Variants in ARHGAP26 observed in about 807,000 individuals in gnomAD.
The protein encoded by ARHGAP26 is Rho GTPase activating protein 26.
Under a neutral mutation model 104.8 loss-of-function variants are expected in ARHGAP26, and 38 were observed. That is an observed-to-expected ratio of 0.36 (90% CI 0.28 to 0.48). ARHGAP26 has a LOEUF of 0.48. Among genes scored for constraint, ARHGAP26 ranks in the 20% least tolerant of loss-of-function variants. The pLI is 0.99. For synonymous variants in ARHGAP26, 341 were observed against 340.0 expected (o/e 1.00, Z -0.03); for missense variants, 704 against 947.9 (o/e 0.74, Z 3.38).
chr5:143,042,453 A>G (rs1265779481), intron 14 of ARHGAP26, among the ~76,000 whole-genome samples: 4 of 152,232 alleles, frequency 2.6e-5, no homozygotes, highest in African/African-American at 9.6e-5. Flanking sequence ...GGCTGATATA[A>G]ATACAAAGCA....
At chr5:143,066,875 T>C (rs1423877298) in intron 17 of ARHGAP26, among the ~76,000 whole-genome samples, 1 of 152,188 alleles carries the variant, frequency 6.6e-6, no homozygotes, top group Non-Finnish European at 1.5e-5. Flanking sequence ...GCTGTTCATA[T>C]CTGGTTTCAG....
chr5:142,878,966 G>C (rs139886587), intron 3 of ARHGAP26, among the ~76,000 whole-genome samples: 57 of 152,216 alleles, frequency 3.7e-4, no homozygotes, highest in Non-Finnish European at 6.2e-4. Context: ...GTGTTTCTTT[G>C]TTTATTTGTT....
At chr5:143,101,427 G>A (rs1437414436) in intron 17 of ARHGAP26, among the ~76,000 whole-genome samples, 2 of 152,000 alleles carry the variant, frequency 1.3e-5, no homozygotes, top group Non-Finnish European at 2.9e-5. Context: ...TGTCTTTCCT[G>A]GGCCTTCATA....
At chr5:143,118,509 G>C (rs1228658195) in intron 17 of ARHGAP26, among the ~76,000 whole-genome samples, 1 of 152,162 alleles carries the variant, frequency 6.6e-6, no homozygotes, top group Non-Finnish European at 1.5e-5. Flanking sequence ...AGTGGCTCAC[G>C]CCTATAATTC....
At chr5:143,075,741 C>G (rs1282306470) in intron 17 of ARHGAP26, among the ~76,000 whole-genome samples, 1 of 152,202 alleles carries the variant, frequency 6.6e-6, no homozygotes. Context: ...CTCTGTCACC[C>G]AGGCTGGAGT....
intron 1 of ARHGAP26, among the ~76,000 whole-genome samples, chr5:142,867,429 A>G (rs755724854): frequency 6.6e-6 from 1 of 152,118 alleles, no homozygotes; most frequent in African/African-American, 2.4e-5. Context: ...ACATCGAACT[A>G]GGTTTAAACT....
intron 1 of ARHGAP26, among the ~76,000 whole-genome samples, chr5:142,815,989 A>G (rs1299401231): frequency 6.6e-6 from 1 of 151,058 alleles, no homozygotes; most frequent in Admixed American, 6.6e-5. Context: ...TGTAGAGATG[A>G]GGTCCCGATA....
intron 11 of ARHGAP26, chr5:142,946,439 T>C (rs1036079564): frequency 1.3e-5 from 2 of 152,210 alleles, no homozygotes; most frequent in African/African-American, 4.8e-5. Flanking sequence ...TTGGATTAGC[T>C]TCAATTTTTT....
chr5:143,128,086 G>A (rs3776299), intron 18 of ARHGAP26, among the ~76,000 whole-genome samples: 54,976 of 152,080 alleles, frequency 0.36, 11,251 homozygotes, highest in Non-Finnish European at 0.46. Flanking sequence ...CTTGGGTGTT[G>A]AGCTAGAATG....
Position 142,875,167 on chromosome 5 carries a change from G to C in ARHGAP26, c.308G>C (p.Arg103Pro), listed in dbSNP as rs761574373. 6.2e-7 allele frequency: 1 copy of C among 1,614,084 alleles called. No homozygotes were observed. The highest frequency in any genetic ancestry group is 2.2e-5 in the East Asian group (1 of 44,882). ...VLRNLEDERI[R>P]MIENASEVLI... The stretch of plus-strand genomic sequence containing the variant: ...AGGAATCTTGAAGATGAACGGATAC[G>C]GATGGTGAGTAGGGCTGGGCTACTC... Residue 103 changes from arginine to proline, a missense_variant, in exon 3 of 23, where the codon CGG (arginine) becomes CCG (proline). Coordinates refer to ENST00000645722, the MANE Select transcript of ARHGAP26 (RefSeq NM_001135608.3).
chr5:142,848,451 A>C (rs1020458531), intron 1 of ARHGAP26, among the ~76,000 whole-genome samples: 1 of 151,932 alleles, frequency 6.6e-6, no homozygotes, highest in African/African-American at 2.4e-5. Context: ...TTCCTCCTTT[A>C]CTCCCTTCCA....
In ARHGAP26 at chr5:143,223,288, A is replaced by G. The variant is rs1811414988; in HGVS notation, c.*842A>G. 4.3e-6 allele frequency: 1 copy of G among 233,134 alleles called. No homozygotes were observed. Among genetic ancestry groups the G allele is most frequent in the Non-Finnish European group, 8.5e-6 (1 of 117,702 alleles). The allele number at this position is 233,134 out of a possible 1,614,324, so 14.4% of individuals were successfully genotyped here. On this transcript the variant is annotated 3_prime_UTR_variant, in exon 23 of 23. Coordinates refer to ENST00000645722, the MANE Select transcript of ARHGAP26 (RefSeq NM_001135608.3). ...GTTTTCTAACAACTTGAAGCACAGGATCAAGGAATTAGGGTGGTCTACTTG... is the reference window on the plus strand; with the variant it reads ...GTTTTCTAACAACTTGAAGCACAGGGTCAAGGAATTAGGGTGGTCTACTTG...
chr5:142,906,168 C>T (rs1256587954), intron 8 of ARHGAP26, among the ~76,000 whole-genome samples: 1 of 152,186 alleles, frequency 6.6e-6, no homozygotes, highest in African/African-American at 2.4e-5. Context: ...CACATCTGGA[C>T]ACATGTGGTG....
At chr5:142,939,421 G>T (rs1171801835) in intron 11 of ARHGAP26, among the ~76,000 whole-genome samples, 4 of 152,172 alleles carry the variant, frequency 2.6e-5, no homozygotes, top group African/African-American at 9.7e-5. Flanking sequence ...CCATTTTAAA[G>T]ATATCTTCTG....
At chr5:142,870,387 A>G (rs1203757508) in intron 1 of ARHGAP26, among the ~76,000 whole-genome samples, 2 of 152,132 alleles carry the variant, frequency 1.3e-5, no homozygotes, top group African/African-American at 4.8e-5. Flanking sequence ...TTCTCTTTTT[A>G]GTGTTGTTTT....
chr5:143,212,669 C>T (rs1439497079), intron 21 of ARHGAP26, among the ~76,000 whole-genome samples: 1 of 152,140 alleles, frequency 6.6e-6, no homozygotes, highest in Admixed American at 6.5e-5. Context: ...AAACTATGGC[C>T]CAGCAATAAA....
chr5:142,846,867 C>T (rs983141618), intron 1 of ARHGAP26, among the ~76,000 whole-genome samples: 1 of 152,188 alleles, frequency 6.6e-6, no homozygotes, highest in African/African-American at 2.4e-5. Flanking sequence ...ATAACTCTCC[C>T]TTAAAGGAGG....
intron 12 of ARHGAP26, among the ~76,000 whole-genome samples, chr5:143,023,555 C>T (rs1006651172): frequency 1.3e-5 from 2 of 152,198 alleles, no homozygotes; most frequent in Non-Finnish European, 2.9e-5. Context: ...CACCTTTGGC[C>T]TTTTGCTGTT....
chr5:142,992,682 T>G (rs983949448), intron 11 of ARHGAP26, among the ~76,000 whole-genome samples: 3 of 152,082 alleles, frequency 2.0e-5, no homozygotes, highest in Non-Finnish European at 4.4e-5. Context: ...CTGCCTCGCC[T>G]CCCAAAGTGC....
Sources: allele counts gnomAD v4.1 joint callset (sites outside exome capture counted in the v4.1 genomes callset), GRCh38; gene constraint gnomAD v4.1.1; transcripts MANE v1.5; gene names NCBI Gene and HGNC (gene_info 2026-07-23, HGNC 2026-07-21).